SMOC2: variants seen among roughly 807,000 people sequenced by gnomAD.
SMOC2 encodes the protein SPARC related modular calcium binding 2.
SMOC2 carries 39 observed loss-of-function variants against 61.4 expected under a neutral mutation model. The observed-to-expected ratio is 0.64, with a 90% CI of 0.49 to 0.83. The LOEUF is 0.83. Ranked by LOEUF, SMOC2 falls within the 40% of genes least tolerant of loss-of-function variation. The probability of loss-of-function intolerance (pLI) is 0.00; values close to 1 mark genes in which losing one functional copy is unlikely to be tolerated. For missense variants in SMOC2, 556 were observed against 592.9 expected (o/e 0.94, Z 0.65); for synonymous variants, 247 against 239.9 (o/e 1.03, Z -0.27).
intron 9 of SMOC2, among the ~76,000 whole-genome samples, chr6:168,645,837 G>A (rs112241188): frequency 0.036 from 5,424 of 152,228 alleles, 340 homozygotes; most frequent in African/African-American, 0.12. Flanking sequence ...AGGCATTCCC[G>A]GGGTCCCTGG....
At chr6:168,642,031 A>G (rs1206819652) in intron 9 of SMOC2, among the ~76,000 whole-genome samples, 5 of 152,340 alleles carry the variant, frequency 3.3e-5, no homozygotes, top group East Asian at 1.9e-4. Context: ...GTGAAGTTTT[A>G]TGCTTTTTCT....
chr6:168,595,203 T>C (rs1785292850), intron 7 of SMOC2, among the ~76,000 whole-genome samples: 5 of 136,750 alleles, frequency 3.7e-5, no homozygotes, highest in African/African-American at 1.4e-4. Context: ...ACGAGGGGCA[T>C]CTTTCTAGAG....
intron 11 of SMOC2, among the ~76,000 whole-genome samples, chr6:168,663,543 T>G (rs1200626883): frequency 1.3e-5 from 2 of 152,066 alleles, no homozygotes; most frequent in East Asian, 3.9e-4. Context: ...ACCTTAGAGT[T>G]TGGGGTAAAG....
chr6:168,664,957 T>A (rs1787623008), intron 12 of SMOC2: 3 of 372,616 alleles, frequency 8.1e-6, no homozygotes, highest in Non-Finnish European at 1.6e-5. Flanking sequence ...TTGTTGTGGA[T>A]TTAAGTGGAG....
intron 5 of SMOC2, among the ~76,000 whole-genome samples, chr6:168,546,794 T>C (rs888917406): frequency 6.6e-6 from 1 of 152,222 alleles, no homozygotes; most frequent in East Asian, 1.9e-4. Context: ...GGCTAGACTT[T>C]CTTTACTCTA....
At chr6:168,599,499 CACTG>C (rs1242041866) in intron 8 of SMOC2, among the ~76,000 whole-genome samples, 1 of 93,152 alleles carries the variant, frequency 1.1e-5, no homozygotes, top group African/African-American at 5.0e-5. Context: ...CCCACACACC[CACTG>C]ACACTCACAC....
chr6:168,618,230 C>A (rs144457535), intron 9 of SMOC2, among the ~76,000 whole-genome samples: 1 of 152,312 alleles, frequency 6.6e-6, no homozygotes, highest in African/African-American at 2.4e-5. Flanking sequence ...TGCACTGAGC[C>A]CTACAAACAA....
intron 4 of SMOC2, among the ~76,000 whole-genome samples, chr6:168,542,130 G>A (rs112044905): frequency 4.6e-5 from 7 of 151,942 alleles, no homozygotes; most frequent in Non-Finnish European, 8.8e-5. Context: ...TGCCTCTTTC[G>A]GGAACACATG....
intron 7 of SMOC2, among the ~76,000 whole-genome samples, chr6:168,559,562 T>C (rs1784344808): frequency 6.6e-6 from 1 of 152,198 alleles, no homozygotes; most frequent in Non-Finnish European, 1.5e-5. Context: ...ATCAGTTAGC[T>C]TAAAGACCCA....
chr6:168,660,128 T>G (rs1249902671), intron 11 of SMOC2, among the ~76,000 whole-genome samples: 1 of 149,456 alleles, frequency 6.7e-6, no homozygotes, highest in East Asian at 2.0e-4. Flanking sequence ...TTCAGCCTCT[T>G]CAGATGTCAA....
intron 9 of SMOC2, among the ~76,000 whole-genome samples, chr6:168,624,017 C>T (rs764272230): frequency 6.6e-6 from 1 of 152,172 alleles, no homozygotes; most frequent in Non-Finnish European, 1.5e-5. Flanking sequence ...GGGGCGCTCA[C>T]CCGAGTGGCT....
At chr6:168,633,850 C>T (rs1334823806) in intron 9 of SMOC2, among the ~76,000 whole-genome samples, 4 of 152,156 alleles carry the variant, frequency 2.6e-5, no homozygotes, top group Non-Finnish European at 5.9e-5. Context: ...TTCCCATAAT[C>T]CCCATGTGTC....
rs140898837 is a variant in SMOC2, at chr6:168,539,351, C to T, written c.464-4274C>T. Among the ~76,000 whole-genome samples, 738 of 152,286 alleles carry T rather than the reference C, an allele frequency of 4.8e-3. 6 individuals are homozygous for T. The highest frequency in any genetic ancestry group is 0.017 in the African/African-American group (696 of 41,538). ...GGGGCTGGCCGGCTTTCTTGAACTC[C>T]GACTCCAAGGGCATCTCCATGCCAG... On this transcript the variant is annotated intron_variant, in intron 4 of 12. Coordinates refer to ENST00000356284, the MANE Select transcript of SMOC2 (RefSeq NM_001166412.2).
chr6:168,543,865 G>C (rs1562338453), intron 5 of SMOC2, among the ~76,000 whole-genome samples, 193 bp downstream of exon 5: 1 of 152,098 alleles, frequency 6.6e-6, no homozygotes, highest in South Asian at 2.1e-4. Flanking sequence ...GCTCCGCTGG[G>C]GTCGCTGGTG....
intron 9 of SMOC2, among the ~76,000 whole-genome samples, chr6:168,608,967 G>A (rs992465659): frequency 5.3e-5 from 8 of 152,226 alleles, no homozygotes; most frequent in African/African-American, 1.2e-4. Context: ...GATGAATTCC[G>A]GATGAGTAAA....
chr6:168,638,051 C>T (rs1453757679), intron 9 of SMOC2, among the ~76,000 whole-genome samples: 1 of 151,216 alleles, frequency 6.6e-6, no homozygotes, highest in Non-Finnish European at 1.5e-5. Context: ...CTGGCCAGTC[C>T]CTGCCCTGCC....
At chr6:168,448,034 G>A (rs1404744629) in intron 1 of SMOC2, among the ~76,000 whole-genome samples, 3 of 152,118 alleles carry the variant, frequency 2.0e-5, no homozygotes, top group Non-Finnish European at 4.4e-5. Context: ...CCCTGCCCAG[G>A]TCAGGGTTGT....
rs565254171 is a variant in SMOC2 at position 168,648,652 on chromosome 6, TG to T, written c.908-2028del. 2.1e-4 allele frequency among the ~76,000 whole-genome samples: 32 copies of T among 152,360 alleles called. No individual in the cohort carries two copies. In the South Asian group the frequency reaches 6.4e-3, roughly 31 times the overall value. ...TTTGCCCCGTGGCCGTGATGCTTTT[TG>T]CTATAGATTTTGATCTCCTTTTTCA... On this transcript the variant is annotated intron_variant, in intron 9 of 12. Coordinates refer to ENST00000356284, the MANE Select transcript of SMOC2 (RefSeq NM_001166412.2).
At chr6:168,598,728 C>A in intron 7 of SMOC2, 90 bp from the exon 8 acceptor site, 1 of 1,445,142 alleles carries the variant, frequency 6.9e-7, no homozygotes, top group South Asian at 1.3e-5. Flanking sequence ...CCACATCGTT[C>A]TTGGCAGTTC....
Sources: gnomAD v4.1 joint callset for allele counts (sites outside exome capture counted in the v4.1 genomes callset) on GRCh38, gnomAD v4.1.1 for gene constraint, MANE v1.5 for transcripts, NCBI Gene and HGNC (gene_info 2026-07-23, HGNC 2026-07-21) for gene names.